GABRB2: variants seen among roughly 807,000 people sequenced by gnomAD.
The protein encoded by GABRB2 is gamma-aminobutyric acid receptor subunit beta-2.
A neutral mutation model predicts 54.7 loss-of-function variants in GABRB2; 16 were observed. The ratio of observed to expected loss-of-function variants is 0.29; its 90% confidence interval spans 0.20 to 0.44. The LOEUF (loss-of-function observed/expected upper bound fraction) is 0.44, where lower values mean the gene tolerates loss of function less well. Ranked by LOEUF, GABRB2 falls within the 20% of genes least tolerant of loss-of-function variation. The probability of loss-of-function intolerance (pLI) is 1.00; values close to 1 mark genes in which losing one functional copy is unlikely to be tolerated. For missense variants in GABRB2, 355 were observed against 644.0 expected, an observed-to-expected ratio of 0.55 and a Z score of 4.86; for synonymous variants, 244 against 233.8, an observed-to-expected ratio of 1.04 and a Z score of -0.40.
intron 3 of GABRB2, among the ~76,000 whole-genome samples, chr5:161,520,782 T>C (rs1760089740): frequency 6.6e-6 from 1 of 152,052 alleles, no homozygotes; most frequent in Non-Finnish European, 1.5e-5. Context: ...TCTGTTGTTT[T>C]GGTGTGGGCT....
intron 4 of GABRB2, among the ~76,000 whole-genome samples, chr5:161,420,333 T>C (rs1415315983): frequency 6.6e-6 from 1 of 152,202 alleles, no homozygotes; most frequent in Non-Finnish European, 1.5e-5. Flanking sequence ...CAAATATTAT[T>C]TTTCACCCTT....
chr5:161,319,465 C>T (rs1397250985), intron 9 of GABRB2, among the ~76,000 whole-genome samples: 1 of 148,652 alleles, frequency 6.7e-6, no homozygotes, highest in Non-Finnish European at 1.5e-5. Context: ...CCTTTCAACT[C>T]ATCTATATGG....
At chr5:161,548,369 C>G (rs891267963), upstream of GABRB2, 5 of 152,254 alleles carry the variant, frequency 3.3e-5, no homozygotes, top group Non-Finnish European at 4.4e-5. Context: ...TCCACACCAG[C>G]GGCTCTCCGG....
chr5:161,510,048 ACAGG>A (rs1224468374), intron 3 of GABRB2, among the ~76,000 whole-genome samples: 2 of 151,934 alleles, frequency 1.3e-5, no homozygotes, highest in African/African-American at 4.8e-5. Flanking sequence ...ATGTTTTGAT[ACAGG>A]CATGCAATGT....
At chr5:161,495,050 A>T (rs1196301270) in intron 3 of GABRB2, among the ~76,000 whole-genome samples, 1 of 152,070 alleles carries the variant, frequency 6.6e-6, no homozygotes, top group East Asian at 1.9e-4. Context: ...TGCTGTTGTG[A>T]TTGTTTTTAG....
chr5:161,469,598 T>A (rs1357966260), intron 3 of GABRB2, among the ~76,000 whole-genome samples: 4 of 151,690 alleles, frequency 2.6e-5, no homozygotes, highest in Admixed American at 2.6e-4. Flanking sequence ...CACCAGGAAA[T>A]GTTATTTCAT....
intron 9 of GABRB2, among the ~76,000 whole-genome samples, chr5:161,299,219 C>T (rs888254190): frequency 6.6e-5 from 10 of 152,210 alleles, no homozygotes; most frequent in East Asian, 5.8e-4. Context: ...TCAAGCACCA[C>T]GCACTCCCAT....
intron 4 of GABRB2, among the ~76,000 whole-genome samples, chr5:161,412,634 C>T (rs548224158): frequency 4.6e-5 from 7 of 152,298 alleles, no homozygotes; most frequent in Non-Finnish European, 7.3e-5. Flanking sequence ...ATCTGGAGTA[C>T]TCTAGTCCTT....
At chr5:161,475,023 C>T (rs1581016773) in intron 3 of GABRB2, among the ~76,000 whole-genome samples, 2 of 152,016 alleles carry the variant, frequency 1.3e-5, no homozygotes, top group East Asian at 1.9e-4. Context: ...AATGTCAACA[C>T]ACCAGCTGGA....
intron 4 of GABRB2, among the ~76,000 whole-genome samples, chr5:161,454,239 G>A (rs1421568399): frequency 3.3e-5 from 5 of 152,106 alleles, no homozygotes; most frequent in Non-Finnish European, 5.9e-5. Context: ...GGGATTGAGG[G>A]TCTCAGTTAA....
chr5:161,317,605 G>T (rs988649840), intron 9 of GABRB2, among the ~76,000 whole-genome samples: 2 of 152,124 alleles, frequency 1.3e-5, no homozygotes, highest in African/African-American at 4.8e-5. Context: ...AGCATTCCAA[G>T]AGGAATTCAG....
chr5:161,407,105 T>C (rs2113101900), intron 5 of GABRB2, among the ~76,000 whole-genome samples: 1 of 152,218 alleles, frequency 6.6e-6, no homozygotes, highest in Non-Finnish European at 1.5e-5. Flanking sequence ...GAGAATTCCT[T>C]CTTCCTTTTC....
At chr5:161,301,800 G>A (rs1269140818) in intron 9 of GABRB2, among the ~76,000 whole-genome samples, 1 of 151,996 alleles carries the variant, frequency 6.6e-6, no homozygotes, top group Non-Finnish European at 1.5e-5. Context: ...TTTTTGGAGA[G>A]GCTCTATTAA....
At chr5:161,543,380 T>C (rs1365695189) in intron 3 of GABRB2, among the ~76,000 whole-genome samples, 1 of 152,236 alleles carries the variant, frequency 6.6e-6, no homozygotes, top group African/African-American at 2.4e-5. Flanking sequence ...TGTTAGGATA[T>C]AATACCTTTA....
At chr5:161,359,742 G>A (rs1341953106) in intron 5 of GABRB2, among the ~76,000 whole-genome samples, 1 of 152,166 alleles carries the variant, frequency 6.6e-6, no homozygotes. Context: ...AAGCACTACA[G>A]ATGAAAGATC....
rs185104504 is a variant in GABRB2, at chr5:161,288,933, A to G, written c.*5148T>C. On this transcript the variant is annotated 3_prime_UTR_variant, in exon 10 of 10. Transcript: ENST00000393959. ...TTATGTTTAAAATGACGATGGTTGA[A>G]CTCAAATTATTGAACCAAAAACAAA... is the stretch of plus-strand genomic sequence containing the variant. The G allele has an allele frequency of 2.6e-5, 4 of 152,292 alleles. No homozygotes were observed. The East Asian group carries it at 5.8e-4, about 22-fold the overall frequency. 9.4% of individuals were successfully genotyped at this position (152,292 alleles called of 1,614,324 possible).
intron 3 of GABRB2, among the ~76,000 whole-genome samples, chr5:161,514,614 C>T (rs1759879141): frequency 6.6e-6 from 1 of 151,774 alleles, no homozygotes; most frequent in Non-Finnish European, 1.5e-5. Context: ...TAAATTGGGT[C>T]ATCCATATAA....
intron 2 of GABRB2, 79 bp from the exon 3 acceptor site, chr5:161,545,373 C>A: frequency 9.6e-7 from 1 of 1,046,276 alleles, no homozygotes; most frequent in East Asian, 2.9e-5. Context: ...GAGCATAAGA[C>A]ACTCTGCCCA....
intron 5 of GABRB2, among the ~76,000 whole-genome samples, chr5:161,402,664 T>C (rs902088488): frequency 1.3e-5 from 2 of 152,180 alleles, no homozygotes; most frequent in Non-Finnish European, 2.9e-5. Flanking sequence ...TCCAGAGCAG[T>C]GACTTTCAAG....
Sources: allele counts gnomAD v4.1 joint callset (sites outside exome capture counted in the v4.1 genomes callset), GRCh38; gene constraint gnomAD v4.1.1; transcripts MANE v1.5; gene names NCBI Gene and HGNC (gene_info 2026-07-23, HGNC 2026-07-21).